YPEL2: variants seen among roughly 807,000 people sequenced by gnomAD.
YPEL2 encodes yippee like 2, also known as protein yippee-like 2.
YPEL2 carries 2 observed loss-of-function variants against 19.1 expected under a neutral mutation model. That is an observed-to-expected ratio of 0.10 (90% confidence interval 0.04 to 0.33). The LOEUF is 0.33. Among genes scored for constraint, YPEL2 ranks in the 10% least tolerant of loss-of-function variants. YPEL2 has a pLI of 1.00. For synonymous variants in YPEL2, 52 were observed against 50.0 expected (o/e 1.04, Z -0.17); for missense variants, 66 against 140.7 (o/e 0.47, Z 2.68).
chr17:59,361,790 T>C (rs1289301858), intron 2 of YPEL2, among the ~76,000 whole-genome samples: 2 of 152,200 alleles, frequency 1.3e-5, no homozygotes, highest in African/African-American at 2.4e-5. Context: ...AACCAAACTT[T>C]AAGATCCATC....
intron 2 of YPEL2, among the ~76,000 whole-genome samples, chr17:59,379,119 C>A (rs1037774759): frequency 6.6e-6 from 1 of 152,148 alleles, no homozygotes; most frequent in African/African-American, 2.4e-5. Context: ...GGAATAAATC[C>A]CCTTCAGTCT....
intron 2 of YPEL2, among the ~76,000 whole-genome samples, chr17:59,373,912 G>A (rs538492533): frequency 8.5e-5 from 13 of 152,272 alleles, no homozygotes; most frequent in South Asian, 4.1e-4. Flanking sequence ...AGATAAGGTC[G>A]GTCATCTGAT....
At chr17:59,392,523 T>TG (rs1219785949) in intron 4 of YPEL2, among the ~76,000 whole-genome samples, 1 of 148,068 alleles carries the variant, frequency 6.8e-6, no homozygotes, top group East Asian at 2.0e-4. Context: ...TTTTTTTTTT[T>TG]TTTTTGAGAT....
intron 1 of YPEL2, among the ~76,000 whole-genome samples, chr17:59,341,710 G>A (rs2047732227): frequency 6.6e-6 from 1 of 152,136 alleles, no homozygotes; most frequent in Non-Finnish European, 1.5e-5. Flanking sequence ...TGCATTTGCT[G>A]GACCTCAAAG....
chr17:59,362,265 GT>G (rs111399720), intron 2 of YPEL2, among the ~76,000 whole-genome samples: 3,843 of 142,324 alleles, frequency 0.027, 106 homozygotes, highest in African/African-American at 0.07. Flanking sequence ...GCATTCTATG[GT>G]TTTTTTTTTT....
At chr17:59,339,446 G>A (rs757223087) in intron 1 of YPEL2, among the ~76,000 whole-genome samples, 1 of 152,096 alleles carries the variant, frequency 6.6e-6, no homozygotes, top group Non-Finnish European at 1.5e-5. Flanking sequence ...CTAATCTGTT[G>A]TCCCACCTTC....
chr17:59,343,822 A>G (rs1339853755), intron 1 of YPEL2, among the ~76,000 whole-genome samples: 1 of 152,150 alleles, frequency 6.6e-6, no homozygotes, highest in Non-Finnish European at 1.5e-5. Flanking sequence ...TGTGTTTTAT[A>G]AACAGAATTC....
chr17:59,337,354 A>AT (rs553002949), intron 1 of YPEL2, among the ~76,000 whole-genome samples: 3 of 151,014 alleles, frequency 2.0e-5, no homozygotes, highest in Non-Finnish European at 3.0e-5. Context: ...CGCCCGGCTA[A>AT]TTTTTTTTGT....
At chr17:59,385,808 A>T (rs369647206) in intron 2 of YPEL2, among the ~76,000 whole-genome samples, 1 of 152,172 alleles carries the variant, frequency 6.6e-6, no homozygotes, top group African/African-American at 2.4e-5. Flanking sequence ...TGTCACTTAT[A>T]GTTCAAAAAA....
intron 2 of YPEL2, among the ~76,000 whole-genome samples, chr17:59,388,001 G>A (rs541690625): frequency 5.3e-5 from 8 of 152,278 alleles, no homozygotes; most frequent in African/African-American, 1.4e-4. Flanking sequence ...ACGCCAATGC[G>A]GATTAATGAT....
At chr17:59,394,917 T>A (rs1399764173) in intron 4 of YPEL2, among the ~76,000 whole-genome samples, 1 of 152,120 alleles carries the variant, frequency 6.6e-6, no homozygotes, top group African/African-American at 2.4e-5. Context: ...CGAAACCCCG[T>A]CTCCACCAAA....
At chr17:59,368,956 C>G (rs529889316) in intron 2 of YPEL2, among the ~76,000 whole-genome samples, 1 of 152,122 alleles carries the variant, frequency 6.6e-6, no homozygotes, top group African/African-American at 2.4e-5. Flanking sequence ...GGCTGGGTCC[C>G]TCCTTGGTGG....
intron 4 of YPEL2, among the ~76,000 whole-genome samples, 197 bp downstream of exon 4, chr17:59,389,665 C>T (rs1260837130): frequency 1.3e-5 from 2 of 151,924 alleles, no homozygotes; most frequent in South Asian, 2.1e-4. Context: ...CACACCTACC[C>T]CCTGAGACAC....
Position 59,400,842 on chromosome 17 carries a change from T to C in YPEL2, c.*3652T>C, listed in dbSNP as rs774830629. The C allele has an allele frequency of 1.3e-5, 2 of 152,636 alleles. No homozygotes were observed. The highest frequency in any genetic ancestry group is 2.9e-5 in the Non-Finnish European group (2 of 68,028). The allele number at this position is 152,636 out of a possible 1,614,324, so 9.5% of individuals were successfully genotyped here. A position where few individuals can be genotyped will look rare whatever the true frequency, so the allele number is the denominator to read the frequency against. On this transcript the variant is annotated 3_prime_UTR_variant, in exon 5 of 5. Transcript: ENST00000312655. Reference sequence around the variant, plus strand: ...TTTACACCTCGGGCGCATAAAGTTTTTCTTCTCTTTCTCTCTGGTTGTTTC... The same window carrying C: ...TTTACACCTCGGGCGCATAAAGTTTCTCTTCTCTTTCTCTCTGGTTGTTTC...
Position 59,397,475 on chromosome 17 carries a change from G to A in YPEL2, c.*285G>A, listed in dbSNP as rs1027052923. 3.8e-5 allele frequency: 9 copies of A among 238,880 alleles called. No homozygotes were observed. In the East Asian group the frequency reaches 5.5e-4, roughly 15 times the overall value. 14.8% of individuals were successfully genotyped at this position (238,880 alleles called of 1,614,324 possible). On this transcript the variant is annotated 3_prime_UTR_variant, in exon 5 of 5. Transcript: ENST00000312655. ...AGGAACAGATCCTTGACCGCATGGC[G>A]GCAGCCCACCTTGGTAAGGGCCCCA...
chr17:59,342,378 T>C (rs2047736054), intron 1 of YPEL2, among the ~76,000 whole-genome samples: 1 of 152,348 alleles, frequency 6.6e-6, no homozygotes, highest in South Asian at 2.1e-4. Context: ...TAGTGCTATA[T>C]GTGTGGCATA....
intron 4 of YPEL2, among the ~76,000 whole-genome samples, chr17:59,392,464 C>G (rs2048012163): frequency 2.0e-5 from 3 of 151,502 alleles, no homozygotes; most frequent in South Asian, 4.2e-4. Flanking sequence ...ACCCAACACC[C>G]CAAATATGCA....
Position 59,334,571 on chromosome 17 carries a change from A to AGC in YPEL2, c.-196+2747_-196+2748insGC, listed in dbSNP as rs1555568490. On this transcript the variant is annotated intron_variant, in intron 1 of 4. Transcript: ENST00000312655. ...ATGCTGTTATCTGCCTTCAGGCACA[A>AGC]ACACACACACACACACACACACACA... 3.4e-5 allele frequency among the ~76,000 whole-genome samples: 5 copies of AGC among 145,230 alleles called. No individual in the cohort carries two copies. In the South Asian group the frequency reaches 1.1e-3, roughly 32 times the overall value.
Position 59,400,306 on chromosome 17 carries a change from AAC to A in YPEL2, c.*3118_*3119del, listed in dbSNP as rs1209739200. The A allele has an allele frequency of 6.6e-6, 1 of 152,622 alleles. No individual in the cohort carries two copies. Among genetic ancestry groups the A allele is most frequent in the Non-Finnish European group, 1.5e-5 (1 of 68,046 alleles). The allele number at this position is 152,622 out of a possible 1,614,324, so 9.5% of individuals were successfully genotyped here. ...TTTTCAAGTGGATATATATAAAAGAAACAGTTGCTTGTAAAATATACTTTTGT... is the reference window on the plus strand; with the variant it reads ...TTTTCAAGTGGATATATATAAAAGAAAGTTGCTTGTAAAATATACTTTTGT... On this transcript the variant is annotated 3_prime_UTR_variant, in exon 5 of 5. Transcript: ENST00000312655.
Sources: gnomAD v4.1 joint callset for allele counts (sites outside exome capture counted in the v4.1 genomes callset) on GRCh38, gnomAD v4.1.1 for gene constraint, MANE v1.5 for transcripts, NCBI Gene and HGNC (gene_info 2026-07-23, HGNC 2026-07-21) for gene names.